Variants in TMEM131 observed in about 807,000 individuals in gnomAD.
TMEM131 encodes the protein 2610524E03Rik.
A neutral mutation model predicts 211.6 loss-of-function variants in TMEM131; 66 were observed. The ratio of observed to expected loss-of-function variants is 0.31; its 90% confidence interval spans 0.26 to 0.38. TMEM131 has a LOEUF of 0.38. TMEM131 is among the 10% of genes least tolerant of loss of function. TMEM131 has a pLI of 1.00. For missense variants in TMEM131, 2,036 were observed against 2,299.3 expected, an observed-to-expected ratio of 0.89 and a Z score of 2.34; for synonymous variants, 844 against 841.3, an observed-to-expected ratio of 1.00 and a Z score of -0.06.
intron 1 of TMEM131, among the ~76,000 whole-genome samples, chr2:97,951,940 C>CCT (rs1678337310): frequency 6.6e-6 from 1 of 152,078 alleles, no homozygotes; most frequent in African/African-American, 2.4e-5. Flanking sequence ...GGGCAGATCA[C>CCT]GAGATCAGGA....
intron 7 of TMEM131, among the ~76,000 whole-genome samples, 171 bp downstream of exon 7, chr2:97,841,635 GACTGCTGTA>G (rs1683200764): frequency 6.6e-6 from 1 of 151,338 alleles, no homozygotes; most frequent in African/African-American, 2.4e-5. Flanking sequence ...CCAAAATTCA[GACTGCTGTA>G]TTCCAAAATT....
At chr2:97,797,997 C>T (rs1040874196) in intron 25 of TMEM131, among the ~76,000 whole-genome samples, 3 of 152,230 alleles carry the variant, frequency 2.0e-5, no homozygotes, top group African/African-American at 4.8e-5. Context: ...GCCACTGCCA[C>T]GCCACTCCTC....
At position 97,764,095 on chromosome 2, in the gene TMEM131, G is replaced by A. The variant is rs945184695; in HGVS notation, c.4724-1895C>T. ...CTCTGCAACTCATGTGGTACAGATG[G>A]TATAGGGCACCATGCTAAGGGGTGC... On this transcript the variant is annotated intron_variant, in intron 35 of 40. Transcript: ENST00000186436. 2.0e-5 allele frequency: 3 copies of A among 152,172 alleles called. No homozygotes were observed. The East Asian group carries it at 5.8e-4, about 29-fold the overall frequency. 9.4% of individuals were successfully genotyped at this position (152,172 alleles called of 1,614,324 possible). A position where few individuals can be genotyped will look rare whatever the true frequency, so the allele number is the denominator to read the frequency against.
chr2:97,796,452 C>T lies in TMEM131; in HGVS notation c.3014-48G>A, dbSNP rs1434835358. ...TAAGACTAAATCTTGCCATCATGTG[C>T]TCCCAGTCCAAATGATAAATACATT... On this transcript the variant is annotated intron_variant, in intron 27 of 40. Transcript: ENST00000186436. 10 of 1,168,768 alleles carry T rather than the reference C, an allele frequency of 8.6e-6. No individual in the cohort carries two copies. The South Asian group carries it at 1.2e-4, about 14-fold the overall frequency. 72.4% of individuals were successfully genotyped at this position (1,168,768 alleles called of 1,614,324 possible).
At chr2:97,897,941 A>G (rs1333428441) in intron 3 of TMEM131, among the ~76,000 whole-genome samples, 1 of 152,102 alleles carries the variant, frequency 6.6e-6, no homozygotes, top group Non-Finnish European at 1.5e-5. Flanking sequence ...AGTTTTAATA[A>G]TTTGTATCTT....
At chr2:97,920,523 T>TA (rs1676696032) in intron 2 of TMEM131, among the ~76,000 whole-genome samples, 1 of 152,188 alleles carries the variant, frequency 6.6e-6, no homozygotes, top group African/African-American at 2.4e-5. Flanking sequence ...GCTCAGATGA[T>TA]AGTTTATGGA....
chr2:97,830,950 C>G (rs6712585), intron 11 of TMEM131, among the ~76,000 whole-genome samples: 74 of 152,330 alleles, frequency 4.9e-4, no homozygotes, highest in African/African-American at 1.4e-3. Context: ...CAAAAGGAGA[C>G]AGGAACCTTT....
chr2:97,772,200 C>T, intron 33 of TMEM131, 97 bp downstream of exon 33: 1 of 1,496,160 alleles, frequency 6.7e-7, no homozygotes, highest in South Asian at 1.3e-5. Context: ...CCCCTAAAAG[C>T]CAACCAGCCA....
intron 1 of TMEM131, among the ~76,000 whole-genome samples, chr2:97,954,806 CA>C (rs778680522): frequency 1.9e-3 from 69 of 37,038 alleles, no homozygotes; most frequent in East Asian, 9.4e-3. Flanking sequence ...AACTCCATCT[CA>C]AAAAAAAAAA....
chr2:97,994,220 T>G (rs1312164809), intron 1 of TMEM131, among the ~76,000 whole-genome samples: 2 of 152,250 alleles, frequency 1.3e-5, no homozygotes, highest in African/African-American at 4.8e-5. Context: ...CAATGATGTA[T>G]TATGACAACC....
chr2:97,931,272 G>A (rs571951701), intron 1 of TMEM131, among the ~76,000 whole-genome samples: 4 of 151,826 alleles, frequency 2.6e-5, no homozygotes, highest in African/African-American at 7.3e-5. Context: ...TCCTCACACC[G>A]ACCCACATCT....
chr2:97,838,602 G>A lies in TMEM131; in HGVS notation c.724-1445C>T, dbSNP rs534835414. 3.9e-5 allele frequency among the ~76,000 whole-genome samples: 6 copies of A among 151,908 alleles called. No homozygotes were observed. The East Asian group carries it at 5.8e-4, about 15-fold the overall frequency. On this transcript the variant is annotated intron_variant, in intron 7 of 40. Coordinates refer to ENST00000186436, the MANE Select transcript of TMEM131 (RefSeq NM_015348.2). ...TGGGATTACAGGCACATGCCTCCAC[G>A]CCCAGCTAATTTTTGTATTTTTCGC...
intron 1 of TMEM131, among the ~76,000 whole-genome samples, chr2:97,938,669 C>T (rs1677564818): frequency 6.6e-6 from 1 of 152,112 alleles, no homozygotes; most frequent in South Asian, 2.1e-4. Context: ...AGGTCTGCAC[C>T]AAGCAGACCT....
At chr2:97,948,332 T>C (rs1559468097) in intron 1 of TMEM131, among the ~76,000 whole-genome samples, 1 of 152,024 alleles carries the variant, frequency 6.6e-6, no homozygotes, top group African/African-American at 2.4e-5. Flanking sequence ...AATATGTAAA[T>C]AACTGTTACA....
chr2:97,867,813 A>G (rs1354599646), intron 4 of TMEM131, among the ~76,000 whole-genome samples: 8 of 152,200 alleles, frequency 5.3e-5, no homozygotes, highest in Non-Finnish European at 1.0e-4. Context: ...AACTGGGGTT[A>G]GAGGGAGCTT....
At chr2:97,982,982 T>C (rs1346851739) in intron 1 of TMEM131, among the ~76,000 whole-genome samples, 3 of 152,126 alleles carry the variant, frequency 2.0e-5, no homozygotes, top group Non-Finnish European at 4.4e-5. Flanking sequence ...TGAAGCCTGT[T>C]AGTAATAATA....
intron 4 of TMEM131, among the ~76,000 whole-genome samples, chr2:97,886,329 T>A (rs939966736): frequency 1.3e-5 from 2 of 152,242 alleles, no homozygotes; most frequent in Non-Finnish European, 2.9e-5. Flanking sequence ...GTTTCCTTGC[T>A]TTTTTGTGTT....
At chr2:97,878,418 C>A (rs1464449844) in intron 4 of TMEM131, among the ~76,000 whole-genome samples, 2 of 152,202 alleles carry the variant, frequency 1.3e-5, no homozygotes, top group Non-Finnish European at 2.9e-5. Flanking sequence ...TACTGTGGCA[C>A]TATTCACAAT....
At position 97,966,035 on chromosome 2, in the gene TMEM131, A is replaced by T. The variant is rs139781961; in HGVS notation, c.187+29441T>A. On this transcript the variant is annotated intron_variant, in intron 1 of 40. Transcript: ENST00000186436. ...AAAAATTGAACAAAAGCAATTTTTT[A>T]AAAAAAAACTTAAATTGCAAAATTA... Among the ~76,000 whole-genome samples, 715 of 151,656 alleles carry T rather than the reference A, an allele frequency of 4.7e-3. 3 individuals are homozygous for T. The highest frequency in any genetic ancestry group is 6.3e-3 in the African/African-American group (261 of 41,362).
Sources: gnomAD v4.1 joint callset for allele counts (sites outside exome capture counted in the v4.1 genomes callset) on GRCh38, gnomAD v4.1.1 for gene constraint, MANE v1.5 for transcripts, NCBI Gene and HGNC (gene_info 2026-07-23, HGNC 2026-07-21) for gene names.